Variants in COMMD10 observed in about 807,000 individuals in gnomAD.
The protein encoded by COMMD10 is COMM domain-containing protein 10.
In COMMD10, 33 loss-of-function variants were observed where a neutral mutation model predicts 28.9. The observed-to-expected ratio is 1.14, with a 90% confidence interval of 0.87 to 1.53. COMMD10 has a LOEUF of 1.53. Among genes scored for constraint, COMMD10 ranks in the 40% most tolerant of loss-of-function variants. The pLI is 0.00. For synonymous variants in COMMD10, 110 were observed against 81.7 expected (o/e 1.35, Z -1.87); for missense variants, 310 against 233.4 (o/e 1.33, Z -2.14).
chr5:116,274,580 T>C (rs974382898), intron 5 of COMMD10, among the ~76,000 whole-genome samples: 1 of 151,806 alleles, frequency 6.6e-6, no homozygotes, highest in Non-Finnish European at 1.5e-5. Flanking sequence ...TGGGCTTGGC[T>C]TTTCCCCATC....
intron 5 of COMMD10, among the ~76,000 whole-genome samples, chr5:116,184,691 T>C (rs1026020561): frequency 1.3e-5 from 2 of 152,186 alleles, no homozygotes; most frequent in Non-Finnish European, 2.9e-5. Flanking sequence ...GCCTATGTTA[T>C]GCCCTATTAA....
At chr5:116,241,267 G>C (rs1442367440) in intron 5 of COMMD10, among the ~76,000 whole-genome samples, 2 of 152,222 alleles carry the variant, frequency 1.3e-5, no homozygotes, top group Non-Finnish European at 2.9e-5. Flanking sequence ...CTTTGAAATG[G>C]TTTCTACCAC....
intron 4 of COMMD10, among the ~76,000 whole-genome samples, chr5:116,120,155 T>TGG (rs1751378988): frequency 6.6e-6 from 1 of 152,088 alleles, no homozygotes; most frequent in Non-Finnish European, 1.5e-5. Context: ...ATATACACTA[T>TGG]GGAGTACTAC....
chr5:116,251,152 C>G (rs1263215124), intron 5 of COMMD10, among the ~76,000 whole-genome samples: 2 of 151,934 alleles, frequency 1.3e-5, no homozygotes, highest in Non-Finnish European at 2.9e-5. Context: ...TTTTCTGAAG[C>G]TGTCATTTCA....
chr5:116,185,152 A>T (rs1748095879), intron 5 of COMMD10, among the ~76,000 whole-genome samples: 1 of 152,172 alleles, frequency 6.6e-6, no homozygotes, highest in Non-Finnish European at 1.5e-5. Flanking sequence ...TTGCGCCCAT[A>T]GATCTTTATA....
intron 4 of COMMD10, among the ~76,000 whole-genome samples, chr5:116,121,127 C>T (rs1056863156): frequency 2.0e-5 from 3 of 152,058 alleles, no homozygotes; most frequent in African/African-American, 7.3e-5. Flanking sequence ...TGCTCTCCTT[C>T]CCCCTGCCCC....
At chr5:116,208,147 A>G (rs757719868) in intron 5 of COMMD10, among the ~76,000 whole-genome samples, 2 of 152,130 alleles carry the variant, frequency 1.3e-5, no homozygotes, top group Non-Finnish European at 2.9e-5. Context: ...AAGATAATGT[A>G]TGGGTTAAAC....
chr5:116,104,343 T>G (rs1750764289), intron 4 of COMMD10, among the ~76,000 whole-genome samples: 2 of 152,334 alleles, frequency 1.3e-5, no homozygotes, highest in Admixed American at 1.3e-4. Flanking sequence ...TTTGTAGTTC[T>G]CCTTGAAGAG....
At chr5:116,265,458 CTG>C (rs1750559789) in intron 5 of COMMD10, among the ~76,000 whole-genome samples, 1 of 151,684 alleles carries the variant, frequency 6.6e-6, no homozygotes, top group African/African-American at 2.4e-5. Flanking sequence ...TTACATAACT[CTG>C]TGTACTTAAA....
Position 116,110,497 on chromosome 5 carries a change from C to T in COMMD10, c.399+17797C>T, listed in dbSNP as rs999955797. On this transcript the variant is annotated intron_variant, in intron 4 of 6. Coordinates refer to ENST00000274458, the MANE Select transcript of COMMD10 (RefSeq NM_016144.4). ...TCAGCTGTGAATCCGTCTGGTCCTG[C>T]GTTTTTGGGGGGAAGATTTTATTAC... Among the ~76,000 whole-genome samples, 8 of 152,054 alleles carry T rather than the reference C, an allele frequency of 5.3e-5. No individual in the cohort carries two copies. In the South Asian group the frequency reaches 8.3e-4, roughly 16 times the overall value.
chr5:116,225,353 G>GTTTTTTTTTTTTTTTTTTTTTTTTTTTT (rs143964154), intron 5 of COMMD10, among the ~76,000 whole-genome samples: 2 of 116,512 alleles, frequency 1.7e-5, no homozygotes, highest in Non-Finnish European at 1.7e-5. Flanking sequence ...TTTTTTTGGG[G>GTTTTTTTTTTTTTTTTTTTTTTTTTTTT]ATTTTTTTTT....
At chr5:116,203,208 C>T (rs181349422) in intron 5 of COMMD10, among the ~76,000 whole-genome samples, 21 of 151,998 alleles carry the variant, frequency 1.4e-4, no homozygotes, top group Admixed American at 5.2e-4. Context: ...TAAAAAGAAA[C>T]GCAGAAAACC....
intron 5 of COMMD10, among the ~76,000 whole-genome samples, chr5:116,222,270 G>C (rs1009483910): frequency 1.6e-4 from 24 of 152,074 alleles, no homozygotes; most frequent in African/African-American, 5.6e-4. Flanking sequence ...AGTCTGTATG[G>C]ACCTTAACAA....
intron 5 of COMMD10, among the ~76,000 whole-genome samples, chr5:116,201,054 C>G (rs532562921): frequency 3.3e-5 from 5 of 152,216 alleles, no homozygotes; most frequent in African/African-American, 1.2e-4. Flanking sequence ...TTATCCTTCT[C>G]CAGTTGGACA....
rs143451680 is a variant in COMMD10, at chr5:116,124,722, A to G, written c.400-9346A>G. On this transcript the variant is annotated intron_variant, in intron 4 of 6. Transcript: ENST00000274458. ...GGAGTCTAAGTCTCTTTGTAGGTCT[A>G]TAAGGACTTGCTTTATGAATCTGGG... Among the ~76,000 whole-genome samples, 1,409 of 152,124 alleles carry G rather than the reference A, an allele frequency of 9.3e-3. 24 individuals are homozygous for G. Among genetic ancestry groups the G allele is most frequent in the African/African-American group, 0.031 (1,305 of 41,540 alleles).
chr5:116,174,212 A>G (rs1421660909), intron 5 of COMMD10, among the ~76,000 whole-genome samples: 2 of 152,142 alleles, frequency 1.3e-5, no homozygotes, highest in Non-Finnish European at 2.9e-5. Flanking sequence ...AAAACAATCC[A>G]GTAAGTAAGA....
intron 5 of COMMD10, among the ~76,000 whole-genome samples, chr5:116,167,185 C>G (rs1044600866): frequency 1.3e-5 from 2 of 151,798 alleles, no homozygotes; most frequent in South Asian, 2.1e-4. Context: ...AAACACAGCA[C>G]AAGAACTTCA....
At chr5:116,168,782 G>A (rs549225010) in intron 5 of COMMD10, among the ~76,000 whole-genome samples, 1 of 152,288 alleles carries the variant, frequency 6.6e-6, no homozygotes, top group Admixed American at 6.5e-5. Flanking sequence ...TGAAACCAAT[G>A]AGAACAAAGA....
intron 5 of COMMD10, among the ~76,000 whole-genome samples, chr5:116,262,868 T>G (rs1225693469): frequency 6.6e-6 from 1 of 151,842 alleles, no homozygotes; most frequent in African/African-American, 2.4e-5. Context: ...CTGTAAGTAT[T>G]ATCAGGCACT....
Sources: gnomAD v4.1 joint callset for allele counts (sites outside exome capture counted in the v4.1 genomes callset) on GRCh38, gnomAD v4.1.1 for gene constraint, MANE v1.5 for transcripts, NCBI Gene and HGNC (gene_info 2026-07-23, HGNC 2026-07-21) for gene names.